Variants in DOCK7 observed in about 807,000 individuals in gnomAD.
DOCK7 encodes the protein dedicator of cytokinesis 7, also known as dedicator of cytokinesis protein 7.
In DOCK7, 138 loss-of-function variants were observed where a neutral mutation model predicts 271.0. That is an observed-to-expected ratio of 0.51 (90% CI 0.44 to 0.59). The LOEUF is 0.59. Ranked by LOEUF, DOCK7 falls within the 20% of genes least tolerant of loss-of-function variation. The probability of loss-of-function intolerance (pLI) is 0.00; values close to 1 mark genes in which losing one functional copy is unlikely to be tolerated. For synonymous variants in DOCK7, 823 were observed against 876.1 expected (o/e 0.94, Z 1.07); for missense variants, 2,066 against 2,592.4 (o/e 0.80, Z 4.41).
chr1:62,547,921 T>C (rs1645763851), intron 22 of DOCK7, among the ~76,000 whole-genome samples: 1 of 152,128 alleles, frequency 6.6e-6, no homozygotes. Context: ...TAAAGTCAAA[T>C]CTCTGCAGAC....
At position 62,648,525 on chromosome 1, in the gene DOCK7, C is replaced by T. The variant is rs1656952515; in HGVS notation, c.409G>A (p.Gly137Arg). ...VIRKYHKLGTGFNPNTLDKQK... is the reference protein window; with the variant it reads ...VIRKYHKLGTRFNPNTLDKQK... ...TTATCTAATGTATTGGGATTAAATC[C>T]TGTTCCCAATTTATGATATCTATTA... Residue 137 changes from glycine to arginine, a missense_variant, in exon 5 of 50, where the codon GGA becomes AGA. Gly to Arg is a moderately radical substitution (Grantham distance 125). Around this residue, in one of 2 missense-constraint regions of DOCK7, gnomAD observed 1,414 missense variants for 1,670.4 expected, o/e 0.85. Transcript: ENST00000635253. The T allele has an allele frequency of 1.5e-6, 2 of 1,368,174 alleles. No individual in the cohort carries two copies. The highest frequency in any genetic ancestry group is 1.9e-6 in the Non-Finnish European group (2 of 1,028,860). 84.8% of individuals were successfully genotyped at this position (1,368,174 alleles called of 1,614,324 possible).
chr1:62,501,883 CTT>C (rs1428618606), intron 37 of DOCK7, among the ~76,000 whole-genome samples: 1 of 151,918 alleles, frequency 6.6e-6, no homozygotes, highest in African/African-American at 2.4e-5. Flanking sequence ...TTCTGAAAAA[CTT>C]TTAATATAAT....
chr1:62,471,450 C>A (rs186388190), intron 48 of DOCK7, among the ~76,000 whole-genome samples: 19 of 152,158 alleles, frequency 1.2e-4, no homozygotes, highest in African/African-American at 4.6e-4. Flanking sequence ...TAGCTTGAGG[C>A]CAAGAGTTCG....
chr1:62,641,526 A>T (rs560982274), intron 7 of DOCK7: 51 of 459,314 alleles, frequency 1.1e-4, no homozygotes, highest in African/African-American at 9.2e-4. Context: ...GGTCCTCAGA[A>T]AGGATTGGTG....
chr1:62,485,800 A>C, intron 43 of DOCK7: 1 of 720,726 alleles, frequency 1.4e-6, no homozygotes, highest in Non-Finnish European at 1.7e-6. Context: ...AAATGCAGGC[A>C]TCCATTTAAG....
rs192495746 is a variant in DOCK7 at position 62,489,448 on chromosome 1, T to C, written c.5362-383A>G. On this transcript the variant is annotated intron_variant, in intron 41 of 49. Transcript: ENST00000635253. Reference sequence around the variant, plus strand: ...TGGGCGACAGAGCGAGACTCCATCTTGGGGAAAAATAATAATAGTAATAAT... The same window carrying C: ...TGGGCGACAGAGCGAGACTCCATCTCGGGGAAAAATAATAATAGTAATAAT... Among the ~76,000 whole-genome samples, 483 of 152,164 alleles carry C rather than the reference T, an allele frequency of 3.2e-3. 6 individuals carry two copies. The highest frequency in any genetic ancestry group is 0.01 in the African/African-American group (436 of 41,530).
At chr1:62,548,219 A>C (rs2149410956) in intron 22 of DOCK7, among the ~76,000 whole-genome samples, 1 of 151,468 alleles carries the variant, frequency 6.6e-6, no homozygotes, top group East Asian at 1.9e-4. Flanking sequence ...GTCAGACAAA[A>C]AAAAAAAGAC....
intron 31 of DOCK7, among the ~76,000 whole-genome samples, chr1:62,520,072 C>T (rs2149353707): frequency 6.6e-6 from 1 of 152,300 alleles, no homozygotes; most frequent in Admixed American, 6.5e-5. Context: ...AACTGGATCC[C>T]TTCCTTATAC....
At chr1:62,532,572 C>G (rs540868120) in intron 29 of DOCK7, among the ~76,000 whole-genome samples, 1 of 152,272 alleles carries the variant, frequency 6.6e-6, no homozygotes, top group East Asian at 1.9e-4. Context: ...TGGACTCAAG[C>G]AGTCCTCCTG....
intron 48 of DOCK7, among the ~76,000 whole-genome samples, chr1:62,464,230 C>A (rs1645611317): frequency 6.6e-6 from 1 of 151,332 alleles, no homozygotes; most frequent in Non-Finnish European, 1.5e-5. Flanking sequence ...CGGCTAATTT[C>A]TTGTATTTTT....
intron 37 of DOCK7, among the ~76,000 whole-genome samples, chr1:62,499,883 A>AAAAT (rs1246653604): frequency 6.6e-6 from 1 of 152,070 alleles, no homozygotes; most frequent in Non-Finnish European, 1.5e-5. Flanking sequence ...CTGTCTCTAA[A>AAAAT]AAATAAATAA....
chr1:62,501,530 C>T (rs1168842926), intron 37 of DOCK7, among the ~76,000 whole-genome samples: 1 of 152,008 alleles, frequency 6.6e-6, no homozygotes, highest in African/African-American at 2.4e-5. Flanking sequence ...CAAAGAATGA[C>T]AGGGTGGAGG....
At chr1:62,620,135 C>T (rs1652973850) in intron 12 of DOCK7, 142 bp from the exon 13 acceptor site, 1 of 492,618 alleles carries the variant, frequency 2.0e-6, no homozygotes, top group Non-Finnish European at 3.6e-6. Flanking sequence ...GCCTGGCCAA[C>T]ATGGTGAAAC....
chr1:62,634,733 A>G, intron 9 of DOCK7, 40 bp downstream of exon 9: 1 of 1,573,588 alleles, frequency 6.4e-7, no homozygotes, highest in South Asian at 1.1e-5. Flanking sequence ...AAGTATACAG[A>G]CACTACAAAA....
intron 48 of DOCK7, among the ~76,000 whole-genome samples, chr1:62,463,620 T>C (rs1412803359): frequency 6.6e-6 from 1 of 152,220 alleles, no homozygotes; most frequent in African/African-American, 2.4e-5. Flanking sequence ...AAACGGATTA[T>C]GTAAAAATAA....
intron 8 of DOCK7, 148 bp from the exon 9 acceptor site, chr1:62,635,070 C>A: frequency 2.2e-6 from 1 of 447,852 alleles, no homozygotes; most frequent in Non-Finnish European, 4.0e-6. Flanking sequence ...AATAAGAAAA[C>A]ATTTAATCTT....
intron 41 of DOCK7, among the ~76,000 whole-genome samples, chr1:62,489,609 G>A (rs1306774167): frequency 6.6e-6 from 1 of 152,058 alleles, no homozygotes; most frequent in African/African-American, 2.4e-5. Flanking sequence ...GTGTATGTGT[G>A]TGTATATTAA....
intron 1 of DOCK7, among the ~76,000 whole-genome samples, chr1:62,684,268 C>T (rs1661486867): frequency 6.6e-6 from 1 of 151,404 alleles, no homozygotes; most frequent in Admixed American, 6.6e-5. Context: ...CCAATTTAGG[C>T]AAATACAGTT....
intron 2 of DOCK7, among the ~76,000 whole-genome samples, chr1:62,656,776 C>T (rs1658065689): frequency 1.3e-5 from 2 of 151,492 alleles, no homozygotes; most frequent in South Asian, 2.1e-4. Flanking sequence ...CCAGAATACA[C>T]CAAGAAGCCC....
Sources: gnomAD v4.1 joint callset for allele counts (sites outside exome capture counted in the v4.1 genomes callset) on GRCh38, gnomAD v4.1.1 for gene constraint, gnomAD v4.1.1 regional missense constraint, MANE v1.5 for transcripts, NCBI Gene and HGNC (gene_info 2026-07-23, HGNC 2026-07-21) for gene names.